MAF: variants seen among roughly 807,000 people sequenced by gnomAD.
MAF encodes the protein transcription factor Maf.
MAF carries 10 observed loss-of-function variants against 22.0 expected under a neutral mutation model. That is an observed-to-expected ratio of 0.45 (90% CI 0.28 to 0.77). MAF has a LOEUF of 0.77. MAF is among the 30% of genes least tolerant of loss of function. The probability of loss-of-function intolerance (pLI) is 0.12; values close to 1 mark genes in which losing one functional copy is unlikely to be tolerated. For missense variants in MAF, 544 were observed against 548.4 expected, an observed-to-expected ratio of 0.99 and a Z score of 0.08; for synonymous variants, 337 against 255.8, an observed-to-expected ratio of 1.32 and a Z score of -3.03.
At chr16:79,214,413 C>A in the MAF span, among the ~76,000 whole-genome samples, 1 of 152,136 alleles carries the variant, frequency 6.6e-6, no homozygotes, top group African/African-American at 2.4e-5. Context: ...CCGAGCCACA[C>A]ACTGTGCTAA....
the MAF span, among the ~76,000 whole-genome samples, chr16:79,504,266 C>T: frequency 6.6e-6 from 1 of 152,156 alleles, no homozygotes; most frequent in Non-Finnish European, 1.5e-5. Flanking sequence ...TCCAGTTTCC[C>T]TCCCCTTTTG....
At chr16:79,232,836 T>C in the MAF span, among the ~76,000 whole-genome samples, 1 of 143,312 alleles carries the variant, frequency 7.0e-6, no homozygotes, top group Non-Finnish European at 1.5e-5. Flanking sequence ...GATAAGCCAT[T>C]CTTTTTTTTT....
the MAF span, among the ~76,000 whole-genome samples, chr16:79,248,950 A>G: frequency 6.6e-6 from 1 of 152,210 alleles, no homozygotes; most frequent in Non-Finnish European, 1.5e-5. Context: ...ATTTAAAAAT[A>G]TATTTTAAAA....
the MAF span, among the ~76,000 whole-genome samples, chr16:79,322,089 G>A: frequency 5.9e-5 from 9 of 152,152 alleles, no homozygotes; most frequent in African/African-American, 1.4e-4. Context: ...AAAATTAGCC[G>A]GGTGTGGTAG....
At chr16:79,254,501 A>T in the MAF span, among the ~76,000 whole-genome samples, 27,162 of 152,100 alleles carry the variant, frequency 0.18, 4,169 homozygotes, top group African/African-American at 0.42. Context: ...CATGATTTTT[A>T]TTATATCTTA....
intron 1 of MAF, among the ~76,000 whole-genome samples, chr16:79,588,427 TTTTC>T (rs780058625): frequency 7.2e-5 from 11 of 152,106 alleles, no homozygotes; most frequent in African/African-American, 1.4e-4. Context: ...GATTTTTCTC[TTTTC>T]TTTCTTTCTT....
At chr16:79,431,451 C>T in the MAF span, among the ~76,000 whole-genome samples, 26 of 152,252 alleles carry the variant, frequency 1.7e-4, no homozygotes, top group Admixed American at 5.2e-4. Flanking sequence ...GTCTTAATAC[C>T]GTACATACAT....
the MAF span, among the ~76,000 whole-genome samples, chr16:79,453,968 A>G: frequency 1.3e-5 from 2 of 152,216 alleles, no homozygotes; most frequent in African/African-American, 4.8e-5. Flanking sequence ...ATTAATAATA[A>G]TAATGGCATT....
chr16:79,310,500 A>G, the MAF span, among the ~76,000 whole-genome samples: 1 of 152,184 alleles, frequency 6.6e-6, no homozygotes, highest in Non-Finnish European at 1.5e-5. Context: ...GACCACCTTT[A>G]GTAATTTATT....
the MAF span, among the ~76,000 whole-genome samples, chr16:79,301,038 G>T: frequency 6.6e-6 from 1 of 151,890 alleles, no homozygotes; most frequent in Middle Eastern, 3.4e-3. Context: ...CACAAAATAG[G>T]TCCCCTGAAA....
the MAF span, chr16:79,205,734 T>C: frequency 1.3e-5 from 2 of 152,218 alleles, no homozygotes; most frequent in African/African-American, 4.8e-5. Context: ...AAGGCTGGAT[T>C]GTTGAAGGCC....
chr16:79,476,575 A>G, the MAF span, among the ~76,000 whole-genome samples: 2 of 152,194 alleles, frequency 1.3e-5, no homozygotes, highest in East Asian at 1.9e-4. Flanking sequence ...GCAAATTTAC[A>G]TGTTCTCTCT....
chr16:79,517,726 C>A, the MAF span, among the ~76,000 whole-genome samples: 1 of 152,100 alleles, frequency 6.6e-6, no homozygotes, highest in Non-Finnish European at 1.5e-5. Flanking sequence ...AGGCACCCGC[C>A]ATCATGCCCG....
At chr16:79,388,215 C>T in the MAF span, among the ~76,000 whole-genome samples, 1 of 150,290 alleles carries the variant, frequency 6.7e-6, no homozygotes, top group East Asian at 2.0e-4. Flanking sequence ...TTGGCTACAT[C>T]CATTTGTCTG....
the MAF span, among the ~76,000 whole-genome samples, chr16:79,414,751 T>C: frequency 6.6e-6 from 1 of 152,200 alleles, no homozygotes; most frequent in Non-Finnish European, 1.5e-5. Flanking sequence ...GGAGTTTTGT[T>C]AATCAGGAAA....
At chr16:79,225,408 C>A in the MAF span, among the ~76,000 whole-genome samples, 79 of 152,162 alleles carry the variant, frequency 5.2e-4, no homozygotes, top group African/African-American at 1.8e-3. Flanking sequence ...CCATAAAAAC[C>A]CTAGAAGAAA....
the MAF span, among the ~76,000 whole-genome samples, chr16:79,456,340 T>TC: frequency 6.6e-6 from 1 of 152,136 alleles, no homozygotes; most frequent in African/African-American, 2.4e-5. Context: ...AGGCCATTTA[T>TC]CTCCAGGGAC....
the MAF span, among the ~76,000 whole-genome samples, chr16:79,247,323 A>C: frequency 6.6e-6 from 1 of 152,244 alleles, no homozygotes; most frequent in African/African-American, 2.4e-5. Flanking sequence ...ACAGAAATGA[A>C]TATGGATTTG....
the MAF span, among the ~76,000 whole-genome samples, chr16:79,259,402 C>G: frequency 6.6e-6 from 1 of 152,156 alleles, no homozygotes; most frequent in Non-Finnish European, 1.5e-5. Flanking sequence ...GAAGTCACCC[C>G]CAGTTGCTTT....
Sources: gnomAD v4.1 joint callset for allele counts (sites outside exome capture counted in the v4.1 genomes callset) on GRCh38, gnomAD v4.1.1 for gene constraint, MANE v1.5 for transcripts, NCBI Gene and HGNC (gene_info 2026-07-23, HGNC 2026-07-21) for gene names.